Variants in TTC39C observed in about 807,000 individuals in gnomAD.
TTC39C encodes tetratricopeptide repeat protein 39C.
Under a neutral mutation model 76.3 loss-of-function variants are expected in TTC39C, and 33 were observed. The ratio of observed to expected loss-of-function variants is 0.43; its 90% CI spans 0.33 to 0.58. The LOEUF is 0.58. Among genes scored for constraint, TTC39C ranks in the 20% least tolerant of loss-of-function variants. The pLI is 0.04. For synonymous variants in TTC39C, 254 were observed against 260.6 expected (o/e 0.97, Z 0.24); for missense variants, 595 against 701.4 (o/e 0.85, Z 1.71).
In TTC39C at chr18:24,080,819, T is replaced by C. The variant is rs539368375; in HGVS notation, c.695T>C (p.Met232Thr). Reference sequence around the variant, plus strand: ...GGCCTTTTTCACCTTTGCATATCCATGGTGCCCCCAAACCTGCTCAAAATC... The same window carrying C: ...GGCCTTTTTCACCTTTGCATATCCACGGTGCCCCCAAACCTGCTCAAAATC... Reference protein sequence around the residue: ...GYGLFHLCISMVPPNLLKIIN... With the variant: ...GYGLFHLCISTVPPNLLKIIN... Residue 232 changes from methionine (M) to threonine (T), a missense_variant, in exon 5 of 14, where the codon ATG (methionine) becomes ACG (threonine). Met to Thr is a moderately conservative substitution (Grantham distance 81). Coordinates refer to ENST00000317571, the MANE Select transcript of TTC39C (RefSeq NM_001135993.2). The C allele has an allele frequency of 1.4e-4, 230 of 1,614,154 alleles. No homozygotes were observed. The highest frequency in any genetic ancestry group is 1.9e-4 in the Non-Finnish European group (226 of 1,180,006).
Position 24,027,671 on chromosome 18 carries a change from C to T in TTC39C, c.167+12633C>T, listed in dbSNP as rs150968887. On this transcript the variant is annotated intron_variant, in intron 1 of 13. Transcript: ENST00000317571. ...ATCTCTTAGGCTCAAACCATCCTCC[C>T]GCCTTAGCCTCCTGAGTAGCTGGGA... 2.1e-4 allele frequency among the ~76,000 whole-genome samples: 32 copies of T among 152,098 alleles called. 1 individual carries two copies. The East Asian group carries it at 5.4e-3, about 26-fold the overall frequency.
intron 4 of TTC39C, among the ~76,000 whole-genome samples, chr18:24,077,908 A>G (rs2084326303): frequency 6.6e-6 from 1 of 152,166 alleles, no homozygotes; most frequent in African/African-American, 2.4e-5. Flanking sequence ...AAGAAGCTTC[A>G]AGGTTTTCTC....
At chr18:24,050,165 A>G (rs1346055440) in intron 1 of TTC39C, among the ~76,000 whole-genome samples, 1 of 152,020 alleles carries the variant, frequency 6.6e-6, no homozygotes, top group Non-Finnish European at 1.5e-5. Flanking sequence ...CCTGTTCACC[A>G]TTTCTCCTTT....
In TTC39C at chr18:24,082,969, G is replaced by A. The variant is rs1337162610; in HGVS notation, c.872G>A (p.Ser291Asn). Reference sequence around the variant, plus strand: ...CGCCCGTTTTTTGCCTTGGATGGCAGTGATAACAAGGCAGGCCTGGATGAA... The same window carrying A: ...CGCCCGTTTTTTGCCTTGGATGGCAATGATAACAAGGCAGGCCTGGATGAA... Reference protein sequence around the residue: ...VVRPFFALDGSDNKAGLDEAK... With the variant: ...VVRPFFALDGNDNKAGLDEAK... The change falls in exon 6 of 14, where the codon AGT becomes AAT. Residue 291 changes from serine to asparagine, a missense_variant. Coordinates refer to ENST00000317571, the MANE Select transcript of TTC39C (RefSeq NM_001135993.2). The A allele has an allele frequency of 6.2e-7, 1 of 1,614,066 alleles. No individual in the cohort carries two copies. Among genetic ancestry groups the A allele is most frequent in the Non-Finnish European group, 8.5e-7 (1 of 1,179,938 alleles).
At chr18:24,085,399 ATTTTTCATTT>A (rs1326750972) in intron 6 of TTC39C, among the ~76,000 whole-genome samples, 1 of 152,172 alleles carries the variant, frequency 6.6e-6, no homozygotes. Context: ...CATTTGAGTA[ATTTTTCATTT>A]TAAAACAAAA....
At chr18:24,050,855 A>G (rs1568419436) in intron 1 of TTC39C, among the ~76,000 whole-genome samples, 1 of 146,116 alleles carries the variant, frequency 6.8e-6, no homozygotes, top group Non-Finnish European at 1.5e-5. Context: ...CTGGGCAACA[A>G]GAGCAAAACT....
In TTC39C at chr18:24,069,273, T is replaced by G. The variant is rs112846406; in HGVS notation, c.460+2T>G. On this transcript the variant is annotated splice_donor_variant, in intron 4 of 13. Coordinates refer to ENST00000317571, the MANE Select transcript of TTC39C (RefSeq NM_001135993.2). LOFTEE classifies it high-confidence loss of function. Reference sequence around the variant, plus strand: ...CATTTGTAAAACAAGAATTGTCAGGTATGCTGAAGCATTATTTTTAATGGT... The same window carrying G: ...CATTTGTAAAACAAGAATTGTCAGGGATGCTGAAGCATTATTTTTAATGGT... 1 of 1,610,194 alleles carries G rather than the reference T, an allele frequency of 6.2e-7. No homozygotes were observed. The highest frequency in any genetic ancestry group is 8.5e-7 in the Non-Finnish European group (1 of 1,176,572).
rs919126526 is a variant in TTC39C, at chr18:24,119,217, G to A, written c.1186+985G>A. 3.3e-5 allele frequency among the ~76,000 whole-genome samples: 5 copies of A among 152,160 alleles called. No individual in the cohort carries two copies. The East Asian group carries it at 7.7e-4, about 23-fold the overall frequency. ...GTCTGCATCCTTCAATACCTAAAAG[G>A]CCACGTGATTCAGAGTTGTAGAGGT... On this transcript the variant is annotated intron_variant, in intron 8 of 13. Transcript: ENST00000317571.
chr18:24,014,613 C>A, upstream of TTC39C: 1 of 351,206 alleles, frequency 2.8e-6, no homozygotes, highest in Non-Finnish European at 4.6e-6. Context: ...TCGGAGGGCG[C>A]GAGAGGAGCG....
intron 1 of TTC39C, among the ~76,000 whole-genome samples, chr18:24,032,034 A>G (rs2083677828): frequency 6.6e-6 from 1 of 152,212 alleles, no homozygotes; most frequent in Admixed American, 6.5e-5. Flanking sequence ...AGATTTGAAG[A>G]CATTGGCCTT....
intron 4 of TTC39C, among the ~76,000 whole-genome samples, chr18:24,070,419 G>T (rs866738021): frequency 6.6e-6 from 1 of 152,116 alleles, no homozygotes. Flanking sequence ...CATTTGGAGC[G>T]CACTGCTGAC....
chr18:24,096,902 A>G (rs999605393), intron 6 of TTC39C, among the ~76,000 whole-genome samples: 1 of 152,210 alleles, frequency 6.6e-6, no homozygotes, highest in Non-Finnish European at 1.5e-5. Flanking sequence ...ATCCTTAAAG[A>G]ACTGTGGGTC....
At chr18:24,053,641 T>G (rs1338002526) in intron 1 of TTC39C, among the ~76,000 whole-genome samples, 1 of 152,250 alleles carries the variant, frequency 6.6e-6, no homozygotes, top group African/African-American at 2.4e-5. Flanking sequence ...ATCCATTGAT[T>G]GTTGCCACAG....
upstream of TTC39C, among the ~76,000 whole-genome samples, chr18:24,013,281 T>C (rs2083408059): frequency 6.6e-6 from 1 of 152,226 alleles, no homozygotes. Flanking sequence ...TGGTTCCAGA[T>C]GTACTCAAGA....
At chr18:24,066,427 T>C (rs1238784261) in intron 3 of TTC39C, among the ~76,000 whole-genome samples, 1 of 152,226 alleles carries the variant, frequency 6.6e-6, no homozygotes, top group Admixed American at 6.5e-5. Context: ...TTTTCCTATA[T>C]GTAATTCAAA....
rs577181440 is a variant in TTC39C at position 24,048,119 on chromosome 18, T to C, written c.168-16021T>C. Among the ~76,000 whole-genome samples, 3 of 152,342 alleles carry C rather than the reference T, an allele frequency of 2.0e-5. No individual in the cohort carries two copies. The East Asian group carries it at 5.8e-4, about 29-fold the overall frequency. On this transcript the variant is annotated intron_variant, in intron 1 of 13. Coordinates refer to ENST00000317571, the MANE Select transcript of TTC39C (RefSeq NM_001135993.2). ...TTATTAAAACAGAGCCTGTTATACGTAGGTTTTATCTATTATATGTATGAT... is the reference window on the plus strand; with the variant it reads ...TTATTAAAACAGAGCCTGTTATACGCAGGTTTTATCTATTATATGTATGAT...
intron 6 of TTC39C, among the ~76,000 whole-genome samples, chr18:24,091,276 C>T (rs1030514704): frequency 6.6e-6 from 1 of 152,182 alleles, no homozygotes; most frequent in Non-Finnish European, 1.5e-5. Context: ...TGTGTTGAAA[C>T]CCCATCTCTA....
chr18:24,027,558 A>C (rs1185722754), intron 1 of TTC39C, among the ~76,000 whole-genome samples: 1 of 144,600 alleles, frequency 6.9e-6, no homozygotes, highest in Non-Finnish European at 1.5e-5. Context: ...CTCTGAGGTG[A>C]CTTTTTTTTT....
intron 6 of TTC39C, among the ~76,000 whole-genome samples, chr18:24,089,832 G>T (rs998697575): frequency 1.3e-5 from 2 of 152,108 alleles, no homozygotes; most frequent in African/African-American, 4.8e-5. Flanking sequence ...TGAATTGCCT[G>T]TAAGTAAGTG....
Sources: gnomAD v4.1 joint callset for allele counts (sites outside exome capture counted in the v4.1 genomes callset) on GRCh38, gnomAD v4.1.1 for gene constraint, MANE v1.5 for transcripts, NCBI Gene and HGNC (gene_info 2026-07-23, HGNC 2026-07-21) for gene names.